The following TIPIN variants were observed in gnomAD, a reference collection of about 807,000 sequenced individuals.
TIPIN encodes TIMELESS interacting protein, also known as TIMELESS-interacting protein.
Under a neutral mutation model 35.6 loss-of-function variants are expected in TIPIN, and 29 were observed. That is an observed-to-expected ratio of 0.82 (90% CI 0.61 to 1.11). The LOEUF (loss-of-function observed/expected upper bound fraction) is 1.11. Ranked by LOEUF, TIPIN falls within the 50% of genes most tolerant of loss-of-function variation. The pLI is 0.00. For synonymous variants in TIPIN, 102 were observed against 121.5 expected (o/e 0.84, Z 1.06); for missense variants, 296 against 345.4 (o/e 0.86, Z 1.13).
chr15:66,376,733 G>C (rs947613575), intron 1 of TIPIN, among the ~76,000 whole-genome samples: 8 of 151,458 alleles, frequency 5.3e-5, no homozygotes, highest in Non-Finnish European at 1.2e-4. Flanking sequence ...CCAGCCCCAG[G>C]TCTGATAATT....
chr15:66,346,916 C>T (rs1256943638), intron 6 of TIPIN, among the ~76,000 whole-genome samples: 5 of 151,964 alleles, frequency 3.3e-5, no homozygotes, highest in Non-Finnish European at 5.9e-5. Flanking sequence ...CTCAGCCTCC[C>T]GAATAGCTGG....
intron 1 of TIPIN, among the ~76,000 whole-genome samples, chr15:66,382,566 G>T (rs1005963920): frequency 6.6e-6 from 1 of 152,036 alleles, no homozygotes; most frequent in Non-Finnish European, 1.5e-5. Flanking sequence ...GTAGAGATGG[G>T]GTTTCGTCAT....
intron 6 of TIPIN, 125 bp from the exon 7 acceptor site, chr15:66,341,481 G>A (rs1176179511): frequency 1.2e-4 from 1 of 8,124 alleles, no homozygotes; most frequent in Non-Finnish European, 4.3e-3. Context: ...GTATAAGAAT[G>A]TTGTGGGCCG....
intron 1 of TIPIN, chr15:66,379,971 A>C: frequency 1.5e-6 from 1 of 654,324 alleles, no homozygotes; most frequent in East Asian, 3.2e-5. Context: ...AAAAGTAGGG[A>C]TACACCTTCA....
At chr15:66,337,824 G>A (rs967860321) in intron 7 of TIPIN, among the ~76,000 whole-genome samples, 1 of 150,818 alleles carries the variant, frequency 6.6e-6, no homozygotes, top group African/African-American at 2.4e-5. Context: ...AACCATGATC[G>A]TGCCACTGCA....
At chr15:66,355,801 G>C (rs1328532070) in intron 1 of TIPIN, among the ~76,000 whole-genome samples, 2 of 152,126 alleles carry the variant, frequency 1.3e-5, no homozygotes, top group Admixed American at 6.6e-5. Flanking sequence ...GTAACTTCAA[G>C]CAAGCTACAA....
In TIPIN at chr15:66,336,909, A is replaced by G; in HGVS notation, c.*49T>C. ...AGAAGAAAAAATACATAGTAACGCC[A>G]AGCTTGCAGGACGATGACTTAACAG... is the stretch of plus-strand genomic sequence containing the variant. On this transcript the variant is annotated 3_prime_UTR_variant, in exon 8 of 8. Transcript: ENST00000261881. 6.5e-7 allele frequency: 1 copy of G among 1,542,650 alleles called. No individual in the cohort carries two copies. Among genetic ancestry groups the G allele is most frequent in the Non-Finnish European group, 8.9e-7 (1 of 1,125,628 alleles).
chr15:66,336,843 ATAATC>A lies in TIPIN; in HGVS notation c.*110_*114del. On this transcript the variant is annotated 3_prime_UTR_variant, in exon 8 of 8. Transcript: ENST00000261881. ...ATACCAGATTATCAGATTTTAAACA[ATAATC>A]TATAACAGTTTTACTATCTAAGGAT... The A allele has an allele frequency of 1.3e-6, 1 of 766,276 alleles. No homozygotes were observed. Among genetic ancestry groups the A allele is most frequent in the South Asian group, 1.9e-5 (1 of 52,198 alleles). The allele number at this position is 766,276 out of a possible 1,614,324, so 47.5% of individuals were successfully genotyped here.
intron 1 of TIPIN, chr15:66,382,420 G>A (rs2093321718): frequency 2.0e-6 from 2 of 977,940 alleles, no homozygotes; most frequent in Non-Finnish European, 1.2e-6. Context: ...TATTTCTTCT[G>A]TTTTCCAGGC....
chr15:66,364,784 T>A, intron 1 of TIPIN, among the ~76,000 whole-genome samples: 1 of 151,610 alleles, frequency 6.6e-6, no homozygotes, highest in Non-Finnish European at 1.5e-5. Flanking sequence ...CTGACTAACA[T>A]GGTGAAACCT....
Position 66,337,107 on chromosome 15 carries a change from T to C in TIPIN, c.757A>G (p.Asn253Asp). The C allele has an allele frequency of 6.2e-7, 1 of 1,614,080 alleles. No homozygotes were observed. The highest frequency in any genetic ancestry group is 8.5e-7 in the Non-Finnish European group (1 of 1,180,008). Reference sequence around the variant, plus strand: ...TCCAGAATGTCTTCGTTTAATCCATTTGACTCCTCCTTTTGATCCTCATCA... The same window carrying C: ...TCCAGAATGTCTTCGTTTAATCCATCTGACTCCTCCTTTTGATCCTCATCA... ...NTDEDQKEESNGLNEDILDNP... is the reference protein window; with the variant it reads ...NTDEDQKEESDGLNEDILDNP... Residue 253 changes from asparagine to aspartate, a missense_variant, in exon 8 of 8, where the codon AAT becomes GAT. By Grantham distance (23) the Asn-to-Asp change is conservative. Transcript: ENST00000261881.
intron 7 of TIPIN, among the ~76,000 whole-genome samples, chr15:66,339,159 C>CAAAAAAAAAA (rs2093068137): frequency 2.3e-4 from 4 of 17,280 alleles, no homozygotes; most frequent in Non-Finnish European, 4.6e-4. Flanking sequence ...AAAAAAAAAG[C>CAAAAAAAAAA]AAAAAGAAAA....
chr15:66,382,500 G>C (rs1453533475), intron 1 of TIPIN, among the ~76,000 whole-genome samples: 1 of 152,130 alleles, frequency 6.6e-6, no homozygotes. Flanking sequence ...TCAGCCTCCA[G>C]AGTAGCTGGG....
chr15:66,386,449 G>C (rs938622019), intron 1 of TIPIN: 3 of 152,428 alleles, frequency 2.0e-5, no homozygotes, highest in African/African-American at 7.2e-5. Flanking sequence ...ATATGCGTCA[G>C]TTTGTTGGGC....
intron 4 of TIPIN, 29 bp from the exon 5 acceptor site, chr15:66,349,466 A>G: frequency 6.2e-7 from 1 of 1,604,196 alleles, no homozygotes; most frequent in South Asian, 1.1e-5. Context: ...AATGCTAAAC[A>G]GGAGTCTCAT....
At chr15:66,337,282 C>T in intron 7 of TIPIN, 101 bp from the exon 8 acceptor site, 1 of 769,660 alleles carries the variant, frequency 1.3e-6, no homozygotes, top group South Asian at 2.3e-5. Flanking sequence ...AAAATGAAGT[C>T]TAAGATCACT....
chr15:66,366,252 G>A (rs998077118), intron 1 of TIPIN, among the ~76,000 whole-genome samples: 1 of 151,490 alleles, frequency 6.6e-6, no homozygotes, highest in African/African-American at 2.4e-5. Context: ...TCAAGAGTTC[G>A]AGACCAGCCT....
At chr15:66,345,970 G>C (rs1446989065) in intron 6 of TIPIN, among the ~76,000 whole-genome samples, 2 of 150,220 alleles carry the variant, frequency 1.3e-5, no homozygotes, top group African/African-American at 4.9e-5. Flanking sequence ...TTTTGAGACA[G>C]AGTTTCACTC....
chr15:66,345,557 A>C (rs1050828007), intron 6 of TIPIN, among the ~76,000 whole-genome samples: 7 of 152,158 alleles, frequency 4.6e-5, no homozygotes, highest in African/African-American at 1.7e-4. Context: ...TCTACTAAAA[A>C]TACAAAAATT....
Sources: allele counts gnomAD v4.1 joint callset (sites outside exome capture counted in the v4.1 genomes callset), GRCh38; gene constraint gnomAD v4.1.1; transcripts MANE v1.5; gene names NCBI Gene and HGNC (gene_info 2026-07-23, HGNC 2026-07-21).